Variants in FRMD5 observed in about 807,000 individuals in gnomAD.
The protein encoded by FRMD5 is FERM domain-containing protein 5.
A neutral mutation model predicts 69.0 loss-of-function variants in FRMD5; 20 were observed. That is an observed-to-expected ratio of 0.29 (90% CI 0.20 to 0.42). The LOEUF (loss-of-function observed/expected upper bound fraction) is 0.42, where lower values mean the gene tolerates loss of function less well. FRMD5 is among the 10% of genes least tolerant of loss of function. The pLI, the probability that FRMD5 is intolerant of heterozygous loss-of-function variation, is 1.00. For synonymous variants in FRMD5, 271 were observed against 260.1 expected (o/e 1.04, Z -0.40); for missense variants, 595 against 708.6 (o/e 0.84, Z 1.82).
At chr15:44,113,319 A>C (rs2076825384) in intron 1 of FRMD5, among the ~76,000 whole-genome samples, 1 of 152,224 alleles carries the variant, frequency 6.6e-6, no homozygotes, top group Admixed American at 6.5e-5. Flanking sequence ...CTTATCTTGG[A>C]AACATGGACT....
intron 1 of FRMD5, among the ~76,000 whole-genome samples, chr15:44,020,483 G>C (rs1891165930): frequency 6.6e-6 from 1 of 152,172 alleles, no homozygotes; most frequent in Non-Finnish European, 1.5e-5. Flanking sequence ...ACTCAGTAGT[G>C]TGTTTGTAAA....
intron 1 of FRMD5, among the ~76,000 whole-genome samples, chr15:44,045,613 T>C (rs1892391771): frequency 6.6e-6 from 1 of 152,066 alleles, no homozygotes. Flanking sequence ...CAGTTGACAA[T>C]AAAACTAGTA....
intron 13 of FRMD5, among the ~76,000 whole-genome samples, chr15:43,882,012 T>C (rs1018800699): frequency 5.3e-5 from 8 of 152,174 alleles, no homozygotes; most frequent in African/African-American, 1.9e-4. Flanking sequence ...GAGACAGGTA[T>C]GAACCAATTC....
At chr15:44,136,212 CG>C (rs2140433039) in intron 1 of FRMD5, among the ~76,000 whole-genome samples, 1 of 53,058 alleles carries the variant, frequency 1.9e-5, no homozygotes, top group South Asian at 9.8e-4. Flanking sequence ...TTGGTAGAGA[CG>C]GGGTTTCACC....
intron 13 of FRMD5, chr15:43,879,622 G>A (rs1013673453): frequency 2.0e-5 from 8 of 398,952 alleles, no homozygotes; most frequent in African/African-American, 4.1e-5. Context: ...TTAGTCAGCC[G>A]GAGCTGGACC....
intron 1 of FRMD5, among the ~76,000 whole-genome samples, chr15:44,020,609 A>T (rs1891170751): frequency 6.6e-6 from 1 of 152,258 alleles, no homozygotes; most frequent in South Asian, 2.1e-4. Context: ...TTATTAATTT[A>T]TTAATCATAT....
At chr15:44,063,954 T>A in intron 1 of FRMD5, 1 of 254,858 alleles carries the variant, frequency 3.9e-6, no homozygotes, top group Non-Finnish European at 7.8e-6. Context: ...AGATTGTCAG[T>A]AATGCCTCCT....
At chr15:44,017,954 A>G (rs905799767) in intron 1 of FRMD5, among the ~76,000 whole-genome samples, 4 of 152,052 alleles carry the variant, frequency 2.6e-5, no homozygotes, top group African/African-American at 9.7e-5. Context: ...CACAAGAGCT[A>G]ATTTTTTATA....
intron 1 of FRMD5, among the ~76,000 whole-genome samples, chr15:43,987,536 G>A (rs182046181): frequency 6.6e-6 from 1 of 152,166 alleles, no homozygotes; most frequent in African/African-American, 2.4e-5. Flanking sequence ...ACAGTTATTG[G>A]GCACTTTATT....
At chr15:44,104,209 G>A (rs1291844089) in intron 1 of FRMD5, among the ~76,000 whole-genome samples, 7 of 152,076 alleles carry the variant, frequency 4.6e-5, no homozygotes, top group Admixed American at 6.6e-5. Flanking sequence ...TTTAAATAGC[G>A]AAAAGCTTAT....
intron 1 of FRMD5, among the ~76,000 whole-genome samples, chr15:44,025,391 T>C (rs768196015): frequency 1.3e-5 from 2 of 152,150 alleles, no homozygotes; most frequent in African/African-American, 2.4e-5. Flanking sequence ...AAGGATATTC[T>C]AGCAAACAAA....
At chr15:44,182,324 CTTTTTTT>C (rs71111843) in intron 1 of FRMD5, among the ~76,000 whole-genome samples, 1 of 85,670 alleles carries the variant, frequency 1.2e-5, no homozygotes, top group African/African-American at 4.5e-5. Context: ...CATTGCTTTT[CTTTTTTT>C]TTTTTTTTTT....
intron 1 of FRMD5, among the ~76,000 whole-genome samples, chr15:44,080,613 T>C (rs1595701329): frequency 6.6e-6 from 1 of 152,124 alleles, no homozygotes; most frequent in Non-Finnish European, 1.5e-5. Flanking sequence ...AGTATTATTT[T>C]GTACCACTTT....
At chr15:44,141,345 G>C (rs1482828433) in intron 1 of FRMD5, among the ~76,000 whole-genome samples, 1 of 152,146 alleles carries the variant, frequency 6.6e-6, no homozygotes, top group Non-Finnish European at 1.5e-5. Flanking sequence ...AATTAAAAGA[G>C]TGTGATACTA....
At chr15:44,119,401 A>T (rs778994720) in intron 1 of FRMD5, among the ~76,000 whole-genome samples, 7 of 152,204 alleles carry the variant, frequency 4.6e-5, no homozygotes, top group Admixed American at 1.3e-4. Flanking sequence ...ACGTACAGTG[A>T]CACTACCCAC....
chr15:44,096,206 C>CAA (rs1213347011), intron 1 of FRMD5, among the ~76,000 whole-genome samples: 565 of 43,934 alleles, frequency 0.013, 3 homozygotes, highest in Middle Eastern at 0.028. Flanking sequence ...AACTCCATCT[C>CAA]AAAAAAAAAA....
intron 2 of FRMD5, among the ~76,000 whole-genome samples, chr15:43,922,205 T>G (rs2089505854): frequency 6.6e-6 from 1 of 152,112 alleles, no homozygotes; most frequent in Non-Finnish European, 1.5e-5. Context: ...GGCCCTGGAG[T>G]CAAACAGGTC....
chr15:43,985,690 G>A (rs570441368), intron 1 of FRMD5, among the ~76,000 whole-genome samples: 1 of 152,250 alleles, frequency 6.6e-6, no homozygotes, highest in East Asian at 1.9e-4. Flanking sequence ...GTGCGGATAA[G>A]TATTCACATT....
At chr15:44,143,178 A>C (rs1290814016) in intron 1 of FRMD5, among the ~76,000 whole-genome samples, 2 of 152,196 alleles carry the variant, frequency 1.3e-5, no homozygotes, top group Non-Finnish European at 2.9e-5. Context: ...CCAAGAAAAC[A>C]TGGGGCACCT....
Sources: gnomAD v4.1 joint callset for allele counts (sites outside exome capture counted in the v4.1 genomes callset) on GRCh38, gnomAD v4.1.1 for gene constraint, MANE v1.5 for transcripts, NCBI Gene and HGNC (gene_info 2026-07-23, HGNC 2026-07-21) for gene names.